Variants in LRRC37A2 observed in about 807,000 individuals in gnomAD.
LRRC37A2 encodes the protein leucine-rich repeat-containing protein 37A2.
A neutral mutation model predicts 68.8 loss-of-function variants in LRRC37A2; 9 were observed. The ratio of observed to expected loss-of-function variants is 0.13; its 90% CI spans 0.08 to 0.23. The LOEUF (loss-of-function observed/expected upper bound fraction) is 0.23, where lower values mean the gene tolerates loss of function less well. Among genes scored for constraint, LRRC37A2 ranks in the 10% least tolerant of loss-of-function variants. LRRC37A2 has a pLI of 1.00. For synonymous variants in LRRC37A2, 63 were observed against 367.6 expected, an observed-to-expected ratio of 0.17 and a Z score of 9.48; for missense variants, 168 against 950.4, an observed-to-expected ratio of 0.18 and a Z score of 10.82.
chr17:46,936,390 CCT>C, the LRRC37A2 span: 17 of 985,260 alleles, frequency 1.7e-5, no homozygotes, highest in Non-Finnish European at 2.0e-5. Flanking sequence ...CATCAGCACA[CCT>C]CTTGCCACCC....
the LRRC37A2 span, among the ~76,000 whole-genome samples, chr17:46,744,881 T>C: frequency 5.3e-5 from 8 of 152,236 alleles, no homozygotes; most frequent in South Asian, 1.7e-3. Flanking sequence ...AAGAATTAGT[T>C]AACTAATACT....
At chr17:46,826,042 A>G in the LRRC37A2 span, among the ~76,000 whole-genome samples, 2 of 152,310 alleles carry the variant, frequency 1.3e-5, no homozygotes, top group East Asian at 3.9e-4. Context: ...AACAAAACGA[A>G]ACAAAACAGA....
chr17:46,912,952 G>A, the LRRC37A2 span, among the ~76,000 whole-genome samples: 1 of 152,212 alleles, frequency 6.6e-6, no homozygotes, highest in Non-Finnish European at 1.5e-5. Context: ...GCCAGCTTAG[G>A]CAGGTGAGTT....
At chr17:46,810,108 G>C in the LRRC37A2 span, among the ~76,000 whole-genome samples, 3 of 149,854 alleles carry the variant, frequency 2.0e-5, no homozygotes, top group Admixed American at 2.0e-4. Context: ...CCAGGTTCAA[G>C]CGATTCTCCT....
the LRRC37A2 span, among the ~76,000 whole-genome samples, chr17:46,754,278 T>A: frequency 6.6e-6 from 1 of 151,892 alleles, no homozygotes; most frequent in East Asian, 1.9e-4. Flanking sequence ...ACCTCTTACC[T>A]TTGATACATT....
At chr17:46,839,972 CT>C in the LRRC37A2 span, among the ~76,000 whole-genome samples, 2 of 124,840 alleles carry the variant, frequency 1.6e-5, no homozygotes, top group African/African-American at 6.0e-5. Context: ...TTCTTTCTTT[CT>C]TTCTCTTCTT....
chr17:46,877,965 T>C, the LRRC37A2 span, among the ~76,000 whole-genome samples: 1 of 152,206 alleles, frequency 6.6e-6, no homozygotes, highest in South Asian at 2.1e-4. Flanking sequence ...CCTCAGATCC[T>C]GTGGACATTT....
At chr17:46,929,269 G>T in the LRRC37A2 span, among the ~76,000 whole-genome samples, 1 of 152,164 alleles carries the variant, frequency 6.6e-6, no homozygotes, top group Non-Finnish European at 1.5e-5. Context: ...TCCTCATAGG[G>T]TTATTGATTT....
the LRRC37A2 span, chr17:47,018,215 G>GCTTCT: frequency 6.2e-7 from 1 of 1,611,848 alleles, no homozygotes; most frequent in African/African-American, 1.3e-5. Context: ...CCCAACAGGA[G>GCTTCT]GCCCCAATTG....
At chr17:47,001,707 CTCTTT>C in the LRRC37A2 span, among the ~76,000 whole-genome samples, 1 of 145,152 alleles carries the variant, frequency 6.9e-6, no homozygotes, top group Non-Finnish European at 1.5e-5. Context: ...TCTTTCTCTT[CTCTTT>C]TTTCCTTTTT....
At chr17:46,818,702 G>A in the LRRC37A2 span, 3 of 1,185,542 alleles carry the variant, frequency 2.5e-6, no homozygotes, top group South Asian at 1.3e-5. Context: ...TGACTTTCGG[G>A]CTTGTCAGAA....
the LRRC37A2 span, among the ~76,000 whole-genome samples, chr17:46,896,430 GAAAGAAAGAAAGAAAGAAAGAA>G: frequency 0.011 from 1,183 of 103,462 alleles, 30 homozygotes; most frequent in African/African-American, 0.065. Context: ...AAGAAAGAAA[GAAAGAAAGAAAGAAAGAAAGAA>G]AAAGAAAGAA....
the LRRC37A2 span, among the ~76,000 whole-genome samples, chr17:46,707,146 C>T: frequency 6.6e-6 from 1 of 152,140 alleles, no homozygotes; most frequent in African/African-American, 2.4e-5. Context: ...CCACTGCACC[C>T]AGCCTCAGAT....
At chr17:46,721,992 C>T in the LRRC37A2 span, 1 of 1,607,704 alleles carries the variant, frequency 6.2e-7, no homozygotes, top group East Asian at 2.2e-5. Flanking sequence ...ATTATGATAG[C>T]TTTCCGACCA....
chr17:46,621,049 G>A, the LRRC37A2 span, among the ~76,000 whole-genome samples: 1 of 95,372 alleles, frequency 1.0e-5, no homozygotes, highest in East Asian at 3.6e-4. Context: ...TCTGAGCTGA[G>A]AATGCGCCAC....
the LRRC37A2 span, among the ~76,000 whole-genome samples, chr17:46,493,054 G>A: frequency 6.9e-6 from 1 of 145,900 alleles, no homozygotes; most frequent in Non-Finnish European, 1.5e-5. Context: ...GCTTCTTCTG[G>A]TTTTAATTTC....
the LRRC37A2 span, among the ~76,000 whole-genome samples, chr17:46,951,650 C>A: frequency 6.6e-6 from 1 of 152,190 alleles, no homozygotes; most frequent in East Asian, 1.9e-4. Context: ...TGGAGAGCTT[C>A]CCCGTTCCCC....
the LRRC37A2 span, chr17:46,762,424 T>C: frequency 3.9e-5 from 6 of 152,116 alleles, no homozygotes; most frequent in African/African-American, 1.4e-4. Flanking sequence ...TTTAATTAGC[T>C]GAGGCCACCA....
chr17:46,976,039 G>T, the LRRC37A2 span, among the ~76,000 whole-genome samples: 1 of 151,862 alleles, frequency 6.6e-6, no homozygotes, highest in Admixed American at 6.6e-5. Flanking sequence ...CCATTCTCCT[G>T]CCTCAGCCTC....
Sources: allele counts gnomAD v4.1 joint callset (sites outside exome capture counted in the v4.1 genomes callset), GRCh38; gene constraint gnomAD v4.1.1; transcripts MANE v1.5; gene names NCBI Gene and HGNC (gene_info 2026-07-23, HGNC 2026-07-21).